ZW10: variants seen among roughly 807,000 people sequenced by gnomAD.
The protein encoded by ZW10 is zw10 kinetochore protein.
A neutral mutation model predicts 87.8 loss-of-function variants in ZW10; 53 were observed. The ratio of observed to expected loss-of-function variants is 0.60; its 90% CI spans 0.48 to 0.76. The LOEUF (loss-of-function observed/expected upper bound fraction) is 0.76, where lower values mean the gene tolerates loss of function less well. Ranked by LOEUF, ZW10 falls within the 30% of genes least tolerant of loss-of-function variation. The pLI, the probability that ZW10 is intolerant of heterozygous loss-of-function variation, is 0.00. For synonymous variants in ZW10, 312 were observed against 329.2 expected (o/e 0.95, Z 0.57); for missense variants, 837 against 923.0 (o/e 0.91, Z 1.21).
chr11:113,737,962 A>G (rs1258336517), intron 13 of ZW10, among the ~76,000 whole-genome samples: 2 of 152,210 alleles, frequency 1.3e-5, no homozygotes, highest in Admixed American at 6.5e-5. Flanking sequence ...TTAAGATAAA[A>G]GCCAATATTT....
intron 2 of ZW10, among the ~76,000 whole-genome samples, chr11:113,768,358 C>G (rs1953928181): frequency 6.6e-6 from 1 of 152,198 alleles, no homozygotes. Flanking sequence ...ACAACCAAAA[C>G]TAAATAAATT....
At chr11:113,750,308 C>CT (rs111295027) in intron 7 of ZW10, among the ~76,000 whole-genome samples, 17,137 of 144,678 alleles carry the variant, frequency 0.12, 1,071 homozygotes, top group Middle Eastern at 0.18. Context: ...CATTTTTTTT[C>CT]TTTTTTTTTT....
intron 2 of ZW10, among the ~76,000 whole-genome samples, chr11:113,767,126 A>G (rs1953916439): frequency 6.6e-6 from 1 of 152,048 alleles, no homozygotes; most frequent in African/African-American, 2.4e-5. Context: ...CTATACTAGA[A>G]TAGCTGGGCC....
Position 113,738,242 on chromosome 11 carries a change from A to C in ZW10, c.1884+22T>G, listed in dbSNP as rs575829627. On this transcript the variant is annotated intron_variant, in intron 13 of 15. Transcript: ENST00000200135. ...CATCTAAGGATAGAATACAAATTTC[A>C]GTGCTAGCAAGAGCCTCCTACCTGC... The C allele has an allele frequency of 6.4e-6, 10 of 1,565,012 alleles. No individual in the cohort carries two copies. In the South Asian group the frequency reaches 1.1e-4, roughly 17 times the overall value.
At chr11:113,733,854 T>C in intron 15 of ZW10, 40 bp from the exon 16 acceptor site, 2 of 1,549,574 alleles carry the variant, frequency 1.3e-6, no homozygotes, top group Non-Finnish European at 1.7e-6. Context: ...CTATTAGGTC[T>C]CTGAAGTATA....
At chr11:113,773,484 C>T (rs1937665858) in intron 1 of ZW10, 78 bp downstream of exon 1, 2 of 1,279,986 alleles carry the variant, frequency 1.6e-6, no homozygotes, top group Admixed American at 3.8e-5. Flanking sequence ...GCCCTTAGCC[C>T]CTGACTCCTC....
At position 113,749,185 on chromosome 11, in the gene ZW10, A is replaced by AAC. The variant is rs144414125; in HGVS notation, c.926-767_926-766dup. ...GCAAGATCAAGTCTCTTTAAACACA[A>AAC]ACACACACACACACACACACGCCTT... is the stretch of plus-strand genomic sequence containing the variant. On this transcript the variant is annotated intron_variant, in intron 7 of 15. Transcript: ENST00000200135. 1.9e-3 allele frequency among the ~76,000 whole-genome samples: 288 copies of AAC among 149,400 alleles called. 1 individual carries two copies. The highest frequency in any genetic ancestry group is 9.0e-3 in the East Asian group (46 of 5,092).
At chr11:113,762,529 T>C (rs900205187) in intron 2 of ZW10, among the ~76,000 whole-genome samples, 1 of 151,890 alleles carries the variant, frequency 6.6e-6, no homozygotes, top group African/African-American at 2.4e-5. Context: ...TTATTAACTT[T>C]TTTTTTTTTT....
At chr11:113,751,303 C>T (rs574073392) in intron 7 of ZW10, 10 of 229,488 alleles carry the variant, frequency 4.4e-5, no homozygotes, top group South Asian at 2.0e-4. Flanking sequence ...CTCAGAAGTG[C>T]GATGAAATAA....
chr11:113,735,240 A>G (rs1953536942), intron 15 of ZW10, among the ~76,000 whole-genome samples: 1 of 152,218 alleles, frequency 6.6e-6, no homozygotes, highest in South Asian at 2.1e-4. Flanking sequence ...TACTAGTGTT[A>G]TAATTTTTCT....
intron 1 of ZW10, chr11:113,769,528 G>A (rs77553233): frequency 6.2e-6 from 1 of 160,134 alleles, no homozygotes; most frequent in African/African-American, 2.4e-5. Flanking sequence ...TTAATACAAA[G>A]TAACTTAAAC....
chr11:113,740,779 C>T (rs1953606905), intron 11 of ZW10, among the ~76,000 whole-genome samples: 1 of 152,156 alleles, frequency 6.6e-6, no homozygotes, highest in Non-Finnish European at 1.5e-5. Flanking sequence ...AAACCTTGGG[C>T]ATGGATCAAG....
At chr11:113,735,949 T>C (rs1215922419) in intron 15 of ZW10, among the ~76,000 whole-genome samples, 1 of 152,166 alleles carries the variant, frequency 6.6e-6, no homozygotes, top group Non-Finnish European at 1.5e-5. Context: ...ACTTCTCTGT[T>C]AATATATCAA....
Position 113,768,880 on chromosome 11 carries a change from T to C in ZW10, c.193A>G (p.Lys65Glu), listed in dbSNP as rs761825349. The C allele has an allele frequency of 4.3e-6, 7 of 1,614,068 alleles. No homozygotes were observed. Among genetic ancestry groups the C allele is most frequent in the African/African-American group, 1.3e-5 (1 of 74,926 alleles). The change falls in exon 2 of 16, where the codon AAG (lysine) becomes GAG (glutamate). Residue 65 changes from lysine (K) to glutamate (E), a missense_variant. Lys to Glu is a moderately conservative substitution (Grantham distance 56). Transcript: ENST00000200135. The part of the protein sequence containing the change: ...SAQGLITQVD[K>E]LSEDIDLLKS... ...AGCAGGTCAATGTCTTCAGATAGCT[T>C]ATCCACCTGGGTAATCAGGCCCTGC...
chr11:113,746,161 C>T (rs1005562724), intron 9 of ZW10, among the ~76,000 whole-genome samples: 3 of 152,176 alleles, frequency 2.0e-5, no homozygotes, highest in African/African-American at 7.2e-5. Context: ...GCTGAGACGT[C>T]CTGACCTAGA....
intron 9 of ZW10, among the ~76,000 whole-genome samples, chr11:113,745,621 G>A (rs980981293): frequency 5.9e-5 from 9 of 152,186 alleles, no homozygotes; most frequent in Non-Finnish European, 1.0e-4. Context: ...ATCTTTGTCT[G>A]AAAAATAGTG....
chr11:113,772,445 T>C (rs778529676), intron 1 of ZW10, among the ~76,000 whole-genome samples: 3 of 152,182 alleles, frequency 2.0e-5, no homozygotes, highest in Non-Finnish European at 2.9e-5. Flanking sequence ...TGTGCCCTTA[T>C]GGTGTGTGGC....
chr11:113,734,742 T>C (rs1298470384), intron 15 of ZW10, among the ~76,000 whole-genome samples: 1 of 151,724 alleles, frequency 6.6e-6, no homozygotes, highest in East Asian at 1.9e-4. Flanking sequence ...GAGGCAGAGG[T>C]TGCAGTGAGC....
intron 10 of ZW10, among the ~76,000 whole-genome samples, chr11:113,743,175 T>C (rs1289540732): frequency 6.6e-6 from 1 of 152,254 alleles, no homozygotes; most frequent in Non-Finnish European, 1.5e-5. Context: ...AGAAGTCATC[T>C]TGAAAGAGTG....
Sources: allele counts gnomAD v4.1 joint callset (sites outside exome capture counted in the v4.1 genomes callset), GRCh38; gene constraint gnomAD v4.1.1; transcripts MANE v1.5; gene names NCBI Gene and HGNC (gene_info 2026-07-23, HGNC 2026-07-21).